CNTNAP2: variants seen among roughly 807,000 people sequenced by gnomAD.
CNTNAP2 encodes the protein contactin-associated protein-like 2.
In CNTNAP2, 98 loss-of-function variants were observed where a neutral mutation model predicts 155.2. That is an observed-to-expected ratio of 0.63 (90% CI 0.54 to 0.75). The LOEUF is 0.75. CNTNAP2 is among the 30% of genes least tolerant of loss of function. The pLI is 0.00. For missense variants in CNTNAP2, 1,727 were observed against 1,688.1 expected (o/e 1.02, Z -0.40); for synonymous variants, 651 against 631.2 (o/e 1.03, Z -0.47).
intron 8 of CNTNAP2, among the ~76,000 whole-genome samples, chr7:147,139,323 G>A (rs1801551254): frequency 6.6e-6 from 1 of 152,036 alleles, no homozygotes; most frequent in Admixed American, 6.6e-5. Context: ...AAGCAATATG[G>A]ATTTACATAG....
intron 3 of CNTNAP2, among the ~76,000 whole-genome samples, chr7:147,000,020 A>C (rs772026866): frequency 6.6e-6 from 1 of 151,754 alleles, no homozygotes; most frequent in Non-Finnish European, 1.5e-5. Flanking sequence ...TGCTCATTTA[A>C]GGTTATCCCA....
Position 146,940,830 on chromosome 7 carries a change from T to TAG in CNTNAP2, c.402+100932_402+100933dup, listed in dbSNP as rs150681710. Among the ~76,000 whole-genome samples the TAG allele has an allele frequency of 1.7e-3, 260 of 151,526 alleles. 1 individual carries two copies. Among genetic ancestry groups the TAG allele is most frequent in the African/African-American group, 6.1e-3 (250 of 41,306 alleles). ...ATATGTGTGTGTGTGTATATACATATAGAGAGAAAGAGAGAGAAAGAGAGA... is the reference window on the plus strand; with the variant it reads ...ATATGTGTGTGTGTGTATATACATATAGAGAGAGAAAGAGAGAGAAAGAGAGA... On this transcript the variant is annotated intron_variant, in intron 3 of 23. Coordinates refer to ENST00000361727, the MANE Select transcript of CNTNAP2 (RefSeq NM_014141.6).
chr7:147,608,716 C>G (rs549529824), intron 12 of CNTNAP2, among the ~76,000 whole-genome samples: 2 of 152,142 alleles, frequency 1.3e-5, no homozygotes, highest in African/African-American at 4.8e-5. Flanking sequence ...CACTGTCACG[C>G]GTGTCTGTGT....
intron 3 of CNTNAP2, among the ~76,000 whole-genome samples, chr7:146,897,975 G>A (rs939900075): frequency 4.6e-5 from 7 of 151,998 alleles, no homozygotes; most frequent in Admixed American, 2.0e-4. Flanking sequence ...AGTGAATGCC[G>A]TTTACAAATG....
At chr7:146,133,481 C>T (rs1162542061) in intron 1 of CNTNAP2, among the ~76,000 whole-genome samples, 2 of 152,108 alleles carry the variant, frequency 1.3e-5, no homozygotes, top group Admixed American at 6.6e-5. Flanking sequence ...GACATGAAGT[C>T]CTTGCCCATG....
chr7:148,324,529 G>A (rs545604737), intron 21 of CNTNAP2, among the ~76,000 whole-genome samples: 14 of 152,224 alleles, frequency 9.2e-5, no homozygotes, highest in Admixed American at 3.9e-4. Flanking sequence ...CGGGCGCAGC[G>A]GCTCATGCCT....
chr7:147,836,607 A>G (rs558215810), intron 13 of CNTNAP2, among the ~76,000 whole-genome samples: 20 of 152,214 alleles, frequency 1.3e-4, no homozygotes, highest in African/African-American at 4.3e-4. Context: ...AGTCATGATC[A>G]TTGTTTGTAA....
intron 1 of CNTNAP2, among the ~76,000 whole-genome samples, chr7:146,117,561 A>C (rs558628280): frequency 6.6e-6 from 1 of 152,316 alleles, no homozygotes; most frequent in Non-Finnish European, 1.5e-5. Flanking sequence ...GATATCATGG[A>C]TATGACTGAT....
At chr7:147,296,766 G>C (rs1563150389) in intron 8 of CNTNAP2, among the ~76,000 whole-genome samples, 1 of 152,124 alleles carries the variant, frequency 6.6e-6, no homozygotes. Flanking sequence ...GGTGAGACAA[G>C]TTGGGGTGGA....
chr7:148,200,829 T>C (rs1795358773), intron 18 of CNTNAP2, among the ~76,000 whole-genome samples: 1 of 152,222 alleles, frequency 6.6e-6, no homozygotes, highest in South Asian at 2.1e-4. Context: ...TTGTTTACCT[T>C]CTCTGAATCT....
intron 3 of CNTNAP2, among the ~76,000 whole-genome samples, chr7:146,874,142 C>T (rs537467393): frequency 6.7e-4 from 102 of 151,740 alleles, no homozygotes; most frequent in African/African-American, 1.4e-3. Context: ...TCAAGTCTGA[C>T]GTTAAAATCT....
intron 11 of CNTNAP2, among the ~76,000 whole-genome samples, chr7:147,537,629 A>G (rs1349224429): frequency 1.3e-5 from 2 of 152,220 alleles, no homozygotes; most frequent in African/African-American, 4.8e-5. Flanking sequence ...CTAACACAAT[A>G]TAAGCGTGAC....
intron 1 of CNTNAP2, among the ~76,000 whole-genome samples, chr7:146,561,573 C>G (rs954942837): frequency 1.3e-5 from 2 of 152,068 alleles, no homozygotes; most frequent in Non-Finnish European, 2.9e-5. Context: ...GCGGGAGCGT[C>G]GCTTGACCTA....
intron 15 of CNTNAP2, among the ~76,000 whole-genome samples, chr7:148,067,709 C>T (rs551192069): frequency 6.6e-6 from 1 of 152,308 alleles, no homozygotes; most frequent in African/African-American, 2.4e-5. Flanking sequence ...GACCATAGCG[C>T]TCCCAAGAGA....
rs185754209 is a variant in CNTNAP2 at position 148,237,875 on chromosome 7, T to C, written c.3381+8096T>C. Among the ~76,000 whole-genome samples, 5 of 152,300 alleles carry C rather than the reference T, an allele frequency of 3.3e-5. No individual in the cohort carries two copies. The East Asian group carries it at 9.7e-4, about 29-fold the overall frequency. ...GTGTACAATTGTAAGGACTTTCACA[T>C]AACCTCCTCAAGCCCAGAGAAAAAT... On this transcript the variant is annotated intron_variant, in intron 20 of 23. Coordinates refer to ENST00000361727, the MANE Select transcript of CNTNAP2 (RefSeq NM_014141.6).
intron 3 of CNTNAP2, among the ~76,000 whole-genome samples, chr7:146,947,596 T>G (rs1304975567): frequency 7.1e-6 from 1 of 140,698 alleles, no homozygotes; most frequent in Admixed American, 7.4e-5. Context: ...TATATATATA[T>G]ATGTATATAT....
chr7:148,235,735 GA>G (rs1282620663), intron 20 of CNTNAP2, among the ~76,000 whole-genome samples: 8 of 141,864 alleles, frequency 5.6e-5, no homozygotes, highest in Non-Finnish European at 1.0e-4. Flanking sequence ...CACCAGGCTG[GA>G]GTGCAGCGGC....
chr7:146,398,976 T>C (rs1795674427), intron 1 of CNTNAP2, among the ~76,000 whole-genome samples: 1 of 152,116 alleles, frequency 6.6e-6, no homozygotes, highest in Non-Finnish European at 1.5e-5. Flanking sequence ...ACTTTCTCTT[T>C]CCTCTGTTAA....
At chr7:147,388,441 G>A (rs1298563426) in intron 9 of CNTNAP2, among the ~76,000 whole-genome samples, 2 of 152,154 alleles carry the variant, frequency 1.3e-5, no homozygotes, top group Non-Finnish European at 2.9e-5. Context: ...TTCAGTGGAT[G>A]ATAGGAACCA....
Sources: gnomAD v4.1 joint callset for allele counts (sites outside exome capture counted in the v4.1 genomes callset) on GRCh38, gnomAD v4.1.1 for gene constraint, MANE v1.5 for transcripts, NCBI Gene and HGNC (gene_info 2026-07-23, HGNC 2026-07-21) for gene names.